KIAA1328: variants seen among roughly 807,000 people sequenced by gnomAD.
KIAA1328 encodes protein hinderin.
Under a neutral mutation model 68.1 loss-of-function variants are expected in KIAA1328, and 52 were observed. The ratio of observed to expected loss-of-function variants is 0.76; its 90% CI spans 0.61 to 0.96. KIAA1328 has a LOEUF of 0.96. KIAA1328 is among the 40% of genes least tolerant of loss of function. The pLI is 0.00. For synonymous variants in KIAA1328, 232 were observed against 239.4 expected (o/e 0.97, Z 0.28); for missense variants, 641 against 677.6 (o/e 0.95, Z 0.60).
At chr18:36,888,171 G>A (rs2048564082) in intron 5 of KIAA1328, among the ~76,000 whole-genome samples, 1 of 152,014 alleles carries the variant, frequency 6.6e-6, no homozygotes, top group East Asian at 1.9e-4. Flanking sequence ...GATTTAACTC[G>A]GGGGGAGAAC....
intron 5 of KIAA1328, among the ~76,000 whole-genome samples, chr18:36,907,342 T>C (rs2049261297): frequency 6.6e-6 from 1 of 152,092 alleles, no homozygotes; most frequent in Non-Finnish European, 1.5e-5. Flanking sequence ...AAAGCTGTGG[T>C]AAAGGGCATC....
chr18:36,887,149 C>T (rs1484770417), intron 5 of KIAA1328, among the ~76,000 whole-genome samples: 1 of 147,928 alleles, frequency 6.8e-6, no homozygotes, highest in African/African-American at 2.5e-5. Flanking sequence ...GACTTCATTG[C>T]CCTTGGTTGT....
At chr18:36,874,146 A>G (rs1343306777) in intron 4 of KIAA1328, among the ~76,000 whole-genome samples, 1 of 152,184 alleles carries the variant, frequency 6.6e-6, no homozygotes, top group Non-Finnish European at 1.5e-5. Flanking sequence ...TGTAATAAGC[A>G]TATGTGTGCA....
intron 9 of KIAA1328, among the ~76,000 whole-genome samples, chr18:37,188,647 C>G (rs892988986): frequency 3.3e-5 from 5 of 152,200 alleles, no homozygotes; most frequent in African/African-American, 1.2e-4. Context: ...TTTTCCAGAA[C>G]TGTCTCCTTC....
intron 6 of KIAA1328, among the ~76,000 whole-genome samples, chr18:37,027,068 T>C (rs564900978): frequency 6.7e-6 from 1 of 149,688 alleles, no homozygotes; most frequent in African/African-American, 2.4e-5. Context: ...AAGCATTCTT[T>C]ACACCAATAA....
intron 6 of KIAA1328, among the ~76,000 whole-genome samples, chr18:37,047,277 T>C (rs1348834929): frequency 6.6e-6 from 1 of 152,346 alleles, no homozygotes; most frequent in Admixed American, 6.5e-5. Context: ...TATCTCTCCA[T>C]GTAAACTTCG....
In KIAA1328 at chr18:37,200,578, G is replaced by A. The variant is rs1038169779; in HGVS notation, c.1524-21439G>A. Among the ~76,000 whole-genome samples, 8 of 151,982 alleles carry A rather than the reference G, an allele frequency of 5.3e-5. No homozygotes were observed. The East Asian group carries it at 7.7e-4, about 15-fold the overall frequency. On this transcript the variant is annotated intron_variant, in intron 9 of 9. Transcript: ENST00000280020. ...TGTAATCCCAGCACTTTGGGAGGCC[G>A]AGGCGGGTGGATCATGAGGTCAGGA...
intron 6 of KIAA1328, among the ~76,000 whole-genome samples, chr18:37,027,960 A>G (rs1568310673): frequency 6.6e-6 from 1 of 152,236 alleles, no homozygotes; most frequent in Non-Finnish European, 1.5e-5. Context: ...CAATCTACTC[A>G]TCTGACAAAG....
At chr18:37,012,104 C>A (rs965385455) in intron 6 of KIAA1328, among the ~76,000 whole-genome samples, 11 of 152,044 alleles carry the variant, frequency 7.2e-5, no homozygotes, top group Admixed American at 7.2e-4. Context: ...TTGAAAGGAA[C>A]GAAGAAGCGG....
intron 7 of KIAA1328, among the ~76,000 whole-genome samples, chr18:37,140,591 A>G (rs1159592047): frequency 1.3e-5 from 2 of 152,142 alleles, no homozygotes; most frequent in African/African-American, 2.4e-5. Flanking sequence ...AAAAATTTTC[A>G]TTTAGTATTT....
chr18:36,928,378 A>C lies in KIAA1328; in HGVS notation c.449-30930A>C, dbSNP rs563414302. On this transcript the variant is annotated intron_variant, in intron 5 of 9. Transcript: ENST00000280020. ...TATGGCTTCTAACTCTGTGATCCTG[A>C]GTAATTTACTTGACTTTATTGTATC... Among the ~76,000 whole-genome samples the C allele has an allele frequency of 8.5e-5, 13 of 152,286 alleles. 1 individual carries two copies. The South Asian group carries it at 2.7e-3, about 32-fold the overall frequency.
At chr18:37,189,068 C>A (rs1027077262) in intron 9 of KIAA1328, among the ~76,000 whole-genome samples, 1 of 152,150 alleles carries the variant, frequency 6.6e-6, no homozygotes, top group African/African-American at 2.4e-5. Context: ...AAAACGAATT[C>A]TTTTCAGCTA....
chr18:37,094,550 A>G (rs1219454240), intron 7 of KIAA1328, among the ~76,000 whole-genome samples: 1 of 152,190 alleles, frequency 6.6e-6, no homozygotes, highest in Non-Finnish European at 1.5e-5. Context: ...ATACACAGGT[A>G]TAACAGTCAC....
At chr18:37,194,778 A>T (rs138949430) in intron 9 of KIAA1328, among the ~76,000 whole-genome samples, 20,320 of 152,126 alleles carry the variant, frequency 0.13, 1,740 homozygotes, top group Non-Finnish European at 0.18. Context: ...TTCCTGCCTC[A>T]GCCTCCTGAG....
intron 4 of KIAA1328, among the ~76,000 whole-genome samples, chr18:36,850,079 T>G (rs2047162067): frequency 6.6e-6 from 1 of 152,100 alleles, no homozygotes; most frequent in African/African-American, 2.4e-5. Flanking sequence ...AACTGGATTT[T>G]TAGATATTCT....
intron 7 of KIAA1328, among the ~76,000 whole-genome samples, chr18:37,082,275 G>A (rs182094333): frequency 2.1e-4 from 32 of 149,366 alleles, no homozygotes; most frequent in African/African-American, 7.2e-4. Flanking sequence ...GGGTTCAAGC[G>A]ATTCTCCTGC....
chr18:36,950,072 A>G (rs1171526642), intron 5 of KIAA1328, among the ~76,000 whole-genome samples: 1 of 152,120 alleles, frequency 6.6e-6, no homozygotes, highest in Non-Finnish European at 1.5e-5. Flanking sequence ...CAAACAATCC[A>G]TTTTCAGTTG....
At chr18:37,154,744 T>G (rs927634112) in intron 7 of KIAA1328, among the ~76,000 whole-genome samples, 52 of 152,316 alleles carry the variant, frequency 3.4e-4, no homozygotes, top group African/African-American at 1.3e-3. Context: ...TCTTTACAGC[T>G]TATATTCTCA....
chr18:36,876,818 T>C (rs2048143746), intron 4 of KIAA1328, among the ~76,000 whole-genome samples: 1 of 152,244 alleles, frequency 6.6e-6, no homozygotes, highest in South Asian at 2.1e-4. Context: ...CATTTTGTTC[T>C]ATAAATTTCC....
Sources: gnomAD v4.1 joint callset for allele counts (sites outside exome capture counted in the v4.1 genomes callset) on GRCh38, gnomAD v4.1.1 for gene constraint, MANE v1.5 for transcripts, NCBI Gene and HGNC (gene_info 2026-07-23, HGNC 2026-07-21) for gene names.